KHDRBS2: variants seen among roughly 807,000 people sequenced by gnomAD.
The protein encoded by KHDRBS2 is KH domain-containing, RNA-binding, signal transduction-associated protein 2.
KHDRBS2 carries 26 observed loss-of-function variants against 44.3 expected under a neutral mutation model. The observed-to-expected ratio is 0.59, with a 90% CI of 0.43 to 0.81. The LOEUF (loss-of-function observed/expected upper bound fraction) is 0.81, where lower values mean the gene tolerates loss of function less well. Ranked by LOEUF, KHDRBS2 falls within the 40% of genes least tolerant of loss-of-function variation. The pLI is 0.00. For missense variants in KHDRBS2, 476 were observed against 433.1 expected, an observed-to-expected ratio of 1.10 and a Z score of -0.88; for synonymous variants, 194 against 151.1, an observed-to-expected ratio of 1.28 and a Z score of -2.08.
the KHDRBS2 span, among the ~76,000 whole-genome samples, chr6:61,570,182 A>G: frequency 2.0e-5 from 3 of 152,172 alleles, no homozygotes; most frequent in Non-Finnish European, 4.4e-5. Flanking sequence ...AAAAATCAAT[A>G]CAGGATATGG....
At chr6:62,047,422 G>T (rs972726352) in intron 3 of KHDRBS2, among the ~76,000 whole-genome samples, 15 of 151,880 alleles carry the variant, frequency 9.9e-5, no homozygotes, top group African/African-American at 3.4e-4. Flanking sequence ...GATTCTCTTA[G>T]ATTTGCAGAT....
At chr6:62,202,199 A>G (rs1739421774) in intron 1 of KHDRBS2, among the ~76,000 whole-genome samples, 1 of 152,100 alleles carries the variant, frequency 6.6e-6, no homozygotes, top group Non-Finnish European at 1.5e-5. Context: ...ATTCTCAAAT[A>G]TGTGTAATCA....
chr6:61,779,719 G>A (rs1562163005), intron 6 of KHDRBS2, among the ~76,000 whole-genome samples: 1 of 152,206 alleles, frequency 6.6e-6, no homozygotes, highest in East Asian at 1.9e-4. Flanking sequence ...AATATTCAAT[G>A]AGTGTGACGT....
chr6:61,669,947 T>C, the KHDRBS2 span, among the ~76,000 whole-genome samples: 1 of 151,052 alleles, frequency 6.6e-6, no homozygotes, highest in Non-Finnish European at 1.5e-5. Flanking sequence ...TGAAATTGCA[T>C]ATATTTACAC....
the KHDRBS2 span, among the ~76,000 whole-genome samples, chr6:61,577,071 T>C: frequency 1.3e-5 from 2 of 152,252 alleles, no homozygotes; most frequent in East Asian, 3.9e-4. Context: ...TTTAACAGTC[T>C]TTCCTCTTAT....
the KHDRBS2 span, among the ~76,000 whole-genome samples, chr6:61,585,182 T>C: frequency 6.6e-6 from 1 of 151,894 alleles, no homozygotes; most frequent in South Asian, 2.1e-4. Context: ...CCTAGGACCA[T>C]CTTTCATTCA....
chr6:62,188,358 T>A (rs895975397), intron 1 of KHDRBS2, among the ~76,000 whole-genome samples: 1 of 152,168 alleles, frequency 6.6e-6, no homozygotes, highest in African/African-American at 2.4e-5. Context: ...TTTGCTTCCA[T>A]GCATTTGACT....
intron 1 of KHDRBS2, among the ~76,000 whole-genome samples, chr6:62,214,463 A>G (rs1829641639): frequency 2.0e-5 from 3 of 152,020 alleles, no homozygotes; most frequent in African/African-American, 7.2e-5. Context: ...ACCCATTTAA[A>G]AGTTGACTGT....
At chr6:62,152,478 G>A (rs149504542) in intron 2 of KHDRBS2, among the ~76,000 whole-genome samples, 15 of 152,224 alleles carry the variant, frequency 9.9e-5, no homozygotes, top group African/African-American at 2.2e-4. Flanking sequence ...TGATAATCTC[G>A]TTTTAGAGAA....
chr6:61,636,131 A>G, the KHDRBS2 span, among the ~76,000 whole-genome samples: 1 of 152,060 alleles, frequency 6.6e-6, no homozygotes, highest in South Asian at 2.1e-4. Flanking sequence ...ACTTTTTTGT[A>G]TGGTCAAATC....
At chr6:62,197,989 T>A (rs1370975387) in intron 1 of KHDRBS2, among the ~76,000 whole-genome samples, 3 of 152,076 alleles carry the variant, frequency 2.0e-5, no homozygotes, top group African/African-American at 7.2e-5. Context: ...GAATGACTAC[T>A]GGGTAAAAAA....
the KHDRBS2 span, among the ~76,000 whole-genome samples, chr6:61,543,225 C>A: frequency 6.6e-6 from 1 of 151,660 alleles, no homozygotes; most frequent in African/African-American, 2.4e-5. Context: ...TGACAAGGGA[C>A]TAATAAAGTA....
At chr6:61,801,260 A>G (rs1786212265) in intron 6 of KHDRBS2, among the ~76,000 whole-genome samples, 1 of 152,094 alleles carries the variant, frequency 6.6e-6, no homozygotes. Context: ...ATATCCTAGG[A>G]ATTATAGACA....
chr6:61,732,874 G>A (rs532549333), intron 6 of KHDRBS2, 110 bp from the exon 7 acceptor site: 3 of 682,644 alleles, frequency 4.4e-6, no homozygotes, highest in South Asian at 1.7e-5. Context: ...TTTCATGTTG[G>A]GTAAGTATCC....
intron 2 of KHDRBS2, among the ~76,000 whole-genome samples, chr6:62,096,134 G>T (rs1463480767): frequency 7.9e-5 from 12 of 151,872 alleles, no homozygotes; most frequent in Non-Finnish European, 2.9e-5. Flanking sequence ...TTTTGGTGGG[G>T]ATTTTTTGCA....
intron 1 of KHDRBS2, among the ~76,000 whole-genome samples, chr6:62,188,087 G>C (rs1481540415): frequency 6.6e-6 from 1 of 151,920 alleles, no homozygotes; most frequent in Non-Finnish European, 1.5e-5. Flanking sequence ...TGAACTACCA[G>C]AGCAAGAGCT....
At chr6:61,885,951 C>T (rs1465726657) in intron 6 of KHDRBS2, among the ~76,000 whole-genome samples, 6 of 152,080 alleles carry the variant, frequency 3.9e-5, no homozygotes, top group African/African-American at 1.4e-4. Context: ...TTTTCTTACT[C>T]CTCCCAAATG....
intron 2 of KHDRBS2, among the ~76,000 whole-genome samples, chr6:62,097,081 T>C (rs1161422901): frequency 2.0e-5 from 3 of 151,982 alleles, no homozygotes; most frequent in Non-Finnish European, 4.4e-5. Flanking sequence ...TGCATTGTGG[T>C]TAGAAAAGAT....
intron 2 of KHDRBS2, among the ~76,000 whole-genome samples, chr6:62,148,026 TATTC>T (rs1480777672): frequency 2.0e-5 from 3 of 152,014 alleles, no homozygotes; most frequent in African/African-American, 7.2e-5. Context: ...AAATAAATAT[TATTC>T]ATGGCAAATG....
Sources: allele counts gnomAD v4.1 joint callset (sites outside exome capture counted in the v4.1 genomes callset), GRCh38; gene constraint gnomAD v4.1.1; transcripts MANE v1.5; gene names NCBI Gene and HGNC (gene_info 2026-07-23, HGNC 2026-07-21).